Variants in LRFN5 observed in about 807,000 individuals in gnomAD.
The protein encoded by LRFN5 is leucine-rich repeat and fibronectin type-III domain-containing protein 5.
A neutral mutation model predicts 45.6 loss-of-function variants in LRFN5; 24 were observed. That is an observed-to-expected ratio of 0.53 (90% confidence interval 0.38 to 0.74). The LOEUF is 0.74. LRFN5 is among the 30% of genes least tolerant of loss of function. The pLI, the probability that LRFN5 is intolerant of heterozygous loss-of-function variation, is 0.00. For synonymous variants in LRFN5, 340 were observed against 313.8 expected, an observed-to-expected ratio of 1.08 and a Z score of -0.88; for missense variants, 776 against 861.5, an observed-to-expected ratio of 0.90 and a Z score of 1.24.
At position 41,717,773 on chromosome 14, in the gene LRFN5, C is replaced by T. The variant is rs967713864; in HGVS notation, c.-196-49081C>T. Reference sequence around the variant, plus strand: ...TAGTGAACATTGCTAAAGGTAAATTCTCTCAATCTCAGCAGTCCTACAAAT... The same window carrying T: ...TAGTGAACATTGCTAAAGGTAAATTTTCTCAATCTCAGCAGTCCTACAAAT... On this transcript the variant is annotated intron_variant, in intron 1 of 5. Coordinates refer to ENST00000298119, the MANE Select transcript of LRFN5 (RefSeq NM_152447.5). Among the ~76,000 whole-genome samples the T allele has an allele frequency of 4.6e-5, 7 of 152,262 alleles. No homozygotes were observed. The East Asian group carries it at 1.4e-3, about 29-fold the overall frequency.
At chr14:41,854,696 G>A (rs1272726573) in intron 2 of LRFN5, among the ~76,000 whole-genome samples, 1 of 152,144 alleles carries the variant, frequency 6.6e-6, no homozygotes, top group Non-Finnish European at 1.5e-5. Flanking sequence ...TTGAGCAAAT[G>A]TACAGTGCAT....
intron 1 of LRFN5, among the ~76,000 whole-genome samples, chr14:41,625,135 A>G (rs541396068): frequency 6.6e-6 from 1 of 152,144 alleles, no homozygotes; most frequent in Non-Finnish European, 1.5e-5. Flanking sequence ...AGAGGATAGT[A>G]CAATTATAGC....
chr14:41,831,906 G>C (rs1431275629), intron 2 of LRFN5, among the ~76,000 whole-genome samples: 1 of 152,112 alleles, frequency 6.6e-6, no homozygotes, highest in Non-Finnish European at 1.5e-5. Context: ...AGTTCCCGGT[G>C]ACAGCCCTCT....
intron 1 of LRFN5, among the ~76,000 whole-genome samples, chr14:41,696,797 A>T (rs141706291): frequency 2.0e-5 from 3 of 151,960 alleles, no homozygotes; most frequent in African/African-American, 7.2e-5. Flanking sequence ...TCGTGGCTTC[A>T]GTTTGCATTT....
chr14:41,704,408 T>TTCTCTCTCTCTCTCTC (rs141458106), intron 1 of LRFN5, among the ~76,000 whole-genome samples: 8 of 102,350 alleles, frequency 7.8e-5, no homozygotes, highest in African/African-American at 2.9e-4. Flanking sequence ...TGTTATACTT[T>TTCTCTCTCTCTCTCTC]TCTCTCTCTC....
At chr14:41,618,771 C>T (rs1888008701) in intron 1 of LRFN5, among the ~76,000 whole-genome samples, 2 of 152,148 alleles carry the variant, frequency 1.3e-5, no homozygotes, top group African/African-American at 2.4e-5. Context: ...AAAAGCCTGG[C>T]TCTCTTTTTA....
At chr14:41,750,009 C>G (rs1594672578) in intron 1 of LRFN5, among the ~76,000 whole-genome samples, 2 of 152,016 alleles carry the variant, frequency 1.3e-5, no homozygotes, top group South Asian at 4.2e-4. Flanking sequence ...AACTGTCTCT[C>G]TAACTTTCTT....
At chr14:41,655,654 C>T (rs1203907705) in intron 1 of LRFN5, among the ~76,000 whole-genome samples, 1 of 151,874 alleles carries the variant, frequency 6.6e-6, no homozygotes. Flanking sequence ...AGGGGACCTG[C>T]TTAGGAAAAA....
chr14:41,727,195 C>T (rs1000619571), intron 1 of LRFN5, among the ~76,000 whole-genome samples: 1 of 152,102 alleles, frequency 6.6e-6, no homozygotes, highest in Non-Finnish European at 1.5e-5. Flanking sequence ...ATGTTGGAAA[C>T]TAATTTAAAA....
intron 1 of LRFN5, among the ~76,000 whole-genome samples, chr14:41,640,495 A>T (rs977807525): frequency 3.9e-5 from 6 of 152,082 alleles, no homozygotes; most frequent in African/African-American, 1.2e-4. Context: ...ACCTTTTTAT[A>T]TCAGATTGTA....
At chr14:41,781,643 GAA>G (rs1263425549) in intron 2 of LRFN5, among the ~76,000 whole-genome samples, 1 of 141,354 alleles carries the variant, frequency 7.1e-6, no homozygotes, top group African/African-American at 2.7e-5. Flanking sequence ...AGGAAAGAAA[GAA>G]AGAGAAAGAA....
intron 1 of LRFN5, among the ~76,000 whole-genome samples, chr14:41,703,349 A>G (rs1006600690): frequency 6.6e-6 from 1 of 152,172 alleles, no homozygotes; most frequent in African/African-American, 2.4e-5. Context: ...ATTTCTATAA[A>G]CAAACATTGG....
chr14:41,834,024 T>C (rs1040414984), intron 2 of LRFN5, among the ~76,000 whole-genome samples: 1 of 152,212 alleles, frequency 6.6e-6, no homozygotes, highest in Non-Finnish European at 1.5e-5. Flanking sequence ...AGTGGTGTCC[T>C]GCTTTCCAGG....
intron 1 of LRFN5, among the ~76,000 whole-genome samples, chr14:41,610,683 A>AAAAAAAAAAAAT (rs1887720009): frequency 6.9e-6 from 1 of 144,660 alleles, no homozygotes; most frequent in African/African-American, 2.5e-5. Context: ...AAAAAAAAAA[A>AAAAAAAAAAAAT]GTGTATTGCC....
chr14:41,815,350 T>G (rs1477825581), intron 2 of LRFN5, among the ~76,000 whole-genome samples: 1 of 152,176 alleles, frequency 6.6e-6, no homozygotes, highest in African/African-American at 2.4e-5. Context: ...GAAATCAATA[T>G]AGCTACTCTT....
At chr14:41,712,350 C>T (rs1460236618) in intron 1 of LRFN5, among the ~76,000 whole-genome samples, 1 of 152,028 alleles carries the variant, frequency 6.6e-6, no homozygotes, top group Admixed American at 6.6e-5. Context: ...TTGTTTGAGG[C>T]CAGGAGTTCG....
chr14:41,752,546 C>T (rs956554724), intron 1 of LRFN5, among the ~76,000 whole-genome samples: 26 of 151,952 alleles, frequency 1.7e-4, no homozygotes, highest in African/African-American at 3.6e-4. Context: ...TGTGTCTTTT[C>T]GCTGCTAAAT....
At chr14:41,812,214 A>G (rs566110892) in intron 2 of LRFN5, among the ~76,000 whole-genome samples, 3 of 152,230 alleles carry the variant, frequency 2.0e-5, no homozygotes, top group African/African-American at 7.2e-5. Flanking sequence ...CCAAAATGAT[A>G]TCAGAGAAAT....
At chr14:41,748,895 A>T (rs967301215) in intron 1 of LRFN5, among the ~76,000 whole-genome samples, 1 of 151,502 alleles carries the variant, frequency 6.6e-6, no homozygotes, top group African/African-American at 2.4e-5. Flanking sequence ...CACAGACAGG[A>T]TATTTTATAT....
Sources: allele counts gnomAD v4.1 joint callset (sites outside exome capture counted in the v4.1 genomes callset), GRCh38; gene constraint gnomAD v4.1.1; transcripts MANE v1.5; gene names NCBI Gene and HGNC (gene_info 2026-07-23, HGNC 2026-07-21).